The following BMP5 variants were observed in gnomAD, a reference collection of about 807,000 sequenced individuals.
The protein encoded by BMP5 is bone morphogenetic protein 5.
BMP5 carries 23 observed loss-of-function variants against 46.6 expected under a neutral mutation model. The observed-to-expected ratio is 0.49, with a 90% confidence interval of 0.35 to 0.70. BMP5 has a LOEUF of 0.70. BMP5 is among the 30% of genes least tolerant of loss of function. BMP5 has a pLI of 0.00. For missense variants in BMP5, 545 were observed against 565.6 expected, an observed-to-expected ratio of 0.96 and a Z score of 0.37; for synonymous variants, 204 against 191.9, an observed-to-expected ratio of 1.06 and a Z score of -0.52.
intron 2 of BMP5, among the ~76,000 whole-genome samples, chr6:55,805,637 G>C (rs369283226): frequency 6.6e-6 from 1 of 152,072 alleles, no homozygotes; most frequent in Non-Finnish European, 1.5e-5. Flanking sequence ...TTGAGGAATC[G>C]GCACATTGTC....
At chr6:55,765,783 G>A (rs1774903244) in intron 4 of BMP5, among the ~76,000 whole-genome samples, 1 of 152,156 alleles carries the variant, frequency 6.6e-6, no homozygotes, top group South Asian at 2.1e-4. Flanking sequence ...AGGTACCAAT[G>A]TGTGACGCAA....
At chr6:55,768,513 G>T (rs1195677094) in intron 4 of BMP5, among the ~76,000 whole-genome samples, 1 of 152,000 alleles carries the variant, frequency 6.6e-6, no homozygotes, top group African/African-American at 2.4e-5. Flanking sequence ...GCATGTGTAA[G>T]GGAGGCTAGG....
intron 1 of BMP5, among the ~76,000 whole-genome samples, chr6:55,845,905 A>G (rs1213144464): frequency 1.3e-5 from 2 of 151,992 alleles, no homozygotes; most frequent in African/African-American, 4.8e-5. Flanking sequence ...TTTCTTCTCC[A>G]TCCTGATCCT....
intron 2 of BMP5, among the ~76,000 whole-genome samples, chr6:55,795,191 T>C (rs905822698): frequency 2.0e-5 from 3 of 152,158 alleles, no homozygotes; most frequent in African/African-American, 7.2e-5. Flanking sequence ...TGAATTATAA[T>C]GAATAATTTA....
intron 2 of BMP5, among the ~76,000 whole-genome samples, chr6:55,797,760 G>T (rs1206208836): frequency 6.6e-6 from 1 of 151,882 alleles, no homozygotes; most frequent in East Asian, 1.9e-4. Flanking sequence ...GGGACTACAG[G>T]CGCCTGCCAC....
intron 1 of BMP5, among the ~76,000 whole-genome samples, chr6:55,825,572 A>T (rs1241539971): frequency 6.6e-6 from 1 of 151,848 alleles, no homozygotes; most frequent in Non-Finnish European, 1.5e-5. Context: ...TTGTTGAGAT[A>T]CAAGTTAACA....
intron 6 of BMP5, 29 bp from the exon 7 acceptor site, chr6:55,755,711 T>G (rs1199704505): frequency 6.3e-7 from 1 of 1,598,586 alleles, no homozygotes; most frequent in South Asian, 1.1e-5. Flanking sequence ...TTTGTTTTAT[T>G]AAGAAATAAA....
At chr6:55,793,727 A>G (rs1360871496) in intron 3 of BMP5, among the ~76,000 whole-genome samples, 1 of 152,116 alleles carries the variant, frequency 6.6e-6, no homozygotes. Context: ...TAAAGAACTA[A>G]CTTGGTATTA....
intron 2 of BMP5, among the ~76,000 whole-genome samples, chr6:55,796,648 C>A: frequency 8.1e-6 from 1 of 124,182 alleles, no homozygotes; most frequent in Non-Finnish European, 1.7e-5. Flanking sequence ...TATCCCTTCC[C>A]CCTCCCCCCA....
chr6:55,837,369 A>AGATAGATAGATG (rs371467921), intron 1 of BMP5, among the ~76,000 whole-genome samples: 20,499 of 148,994 alleles, frequency 0.14, 1,503 homozygotes, highest in African/African-American at 0.18. Context: ...ATAGATAGAT[A>AGATAGATAGATG]GATAGATAGA....
intron 2 of BMP5, among the ~76,000 whole-genome samples, chr6:55,817,657 G>A (rs896469642): frequency 6.6e-6 from 1 of 152,002 alleles, no homozygotes; most frequent in Admixed American, 6.5e-5. Flanking sequence ...GCTGAATGAC[G>A]AGTTAATGGG....
At position 55,850,010 on chromosome 6, in the gene BMP5, T is replaced by C. The variant is rs144592172; in HGVS notation, c.490+24366A>G. On this transcript the variant is annotated intron_variant, in intron 1 of 6. Transcript: ENST00000370830. The stretch of plus-strand genomic sequence containing the variant: ...TTTGAAGTCCTTTGCATACATAGTA[T>C]CTTTCAAGGTCTATCAGGGCCATAC... Among the ~76,000 whole-genome samples the C allele has an allele frequency of 6.2e-3, 940 of 152,200 alleles. 3 individuals are homozygous for C. The highest frequency in any genetic ancestry group is 8.8e-3 in the Non-Finnish European group (598 of 67,972).
chr6:55,779,474 G>T (rs1775255382), intron 3 of BMP5, among the ~76,000 whole-genome samples: 1 of 151,944 alleles, frequency 6.6e-6, no homozygotes, highest in South Asian at 2.1e-4. Context: ...GATTAACTTT[G>T]ATTCTGGTAC....
At chr6:55,839,509 C>G (rs964293943) in intron 1 of BMP5, among the ~76,000 whole-genome samples, 5 of 152,012 alleles carry the variant, frequency 3.3e-5, no homozygotes, top group African/African-American at 9.6e-5. Flanking sequence ...AAGACAGGCT[C>G]CCAATATGTT....
chr6:55,793,059 C>A (rs1261673487), intron 3 of BMP5, among the ~76,000 whole-genome samples: 1 of 151,982 alleles, frequency 6.6e-6, no homozygotes, highest in Non-Finnish European at 1.5e-5. Context: ...AGGTAGGACA[C>A]CATTAAATTA....
At chr6:55,809,665 C>A (rs1252776179) in intron 2 of BMP5, among the ~76,000 whole-genome samples, 1 of 151,636 alleles carries the variant, frequency 6.6e-6, no homozygotes, top group Non-Finnish European at 1.5e-5. Flanking sequence ...GATACTTAAC[C>A]AAGAGGATAG....
At chr6:55,863,721 C>G (rs573252794) in intron 1 of BMP5, among the ~76,000 whole-genome samples, 2 of 152,096 alleles carry the variant, frequency 1.3e-5, no homozygotes, top group Non-Finnish European at 2.9e-5. Flanking sequence ...TCAAAAATTC[C>G]TATCATCTAG....
rs189434075 is a variant in BMP5 at position 55,875,270 on chromosome 6, C to T, written c.-405G>A. 2.8e-5 allele frequency: 6 copies of T among 213,306 alleles called. No homozygotes were observed. Among genetic ancestry groups the T allele is most frequent in the Admixed American group, 1.1e-4 (2 of 18,870 alleles). 13.2% of individuals were successfully genotyped at this position (213,306 alleles called of 1,614,324 possible). ...GATAAACTGTAGTTCCCAAAGTAAT[C>T]TTCACTTGCTTTTGAGTTCTTCTCA... On this transcript the variant is annotated 5_prime_UTR_variant, in exon 1 of 7. Transcript: ENST00000370830.
chr6:55,812,092 C>CT (rs1328459593), intron 2 of BMP5, among the ~76,000 whole-genome samples: 3 of 152,136 alleles, frequency 2.0e-5, no homozygotes, highest in African/African-American at 7.2e-5. Context: ...TGGAAACCTC[C>CT]TTTCCCAATA....
Sources: gnomAD v4.1 joint callset for allele counts (sites outside exome capture counted in the v4.1 genomes callset) on GRCh38, gnomAD v4.1.1 for gene constraint, MANE v1.5 for transcripts, NCBI Gene and HGNC (gene_info 2026-07-23, HGNC 2026-07-21) for gene names.